Variants in SND1 observed in about 807,000 individuals in gnomAD.
SND1 encodes the protein staphylococcal nuclease domain-containing protein 1.
SND1 carries 38 observed loss-of-function variants against 121.7 expected under a neutral mutation model. The ratio of observed to expected loss-of-function variants is 0.31; its 90% confidence interval spans 0.24 to 0.41. SND1 has a LOEUF of 0.41. Among genes scored for constraint, SND1 ranks in the 10% least tolerant of loss-of-function variants. SND1 has a pLI of 1.00. For missense variants in SND1, 868 were observed against 1,184.6 expected, an observed-to-expected ratio of 0.73 and a Z score of 3.92; for synonymous variants, 401 against 447.4, an observed-to-expected ratio of 0.90 and a Z score of 1.31.
At chr7:127,961,817 T>C (rs558356215) in intron 15 of SND1, among the ~76,000 whole-genome samples, 1 of 152,236 alleles carries the variant, frequency 6.6e-6, no homozygotes, top group South Asian at 2.1e-4. Flanking sequence ...TGAGACCTAG[T>C]TGGAAGAAAA....
chr7:128,006,070 C>T (rs545723692), intron 16 of SND1, among the ~76,000 whole-genome samples: 2 of 152,104 alleles, frequency 1.3e-5, no homozygotes, highest in Non-Finnish European at 2.9e-5. Context: ...TTCAGCTGAC[C>T]CTGGGGGAAT....
At chr7:127,950,609 T>C (rs1276350930) in intron 15 of SND1, among the ~76,000 whole-genome samples, 1 of 152,170 alleles carries the variant, frequency 6.6e-6, no homozygotes, top group Admixed American at 6.5e-5. Flanking sequence ...TTCCCTCCCA[T>C]CCATGAAATG....
At chr7:127,767,345 C>T (rs1434043043) in intron 10 of SND1, among the ~76,000 whole-genome samples, 2 of 152,138 alleles carry the variant, frequency 1.3e-5, no homozygotes, top group Admixed American at 1.3e-4. Context: ...TCCTGGTCTT[C>T]CTGTTTTGTT....
chr7:128,065,926 A>G (rs1048524157), intron 16 of SND1, among the ~76,000 whole-genome samples: 3 of 152,222 alleles, frequency 2.0e-5, no homozygotes, highest in Non-Finnish European at 4.4e-5. Flanking sequence ...GATTCTAGCC[A>G]CATCCCTGGC....
chr7:128,030,169 G>T, intron 16 of SND1: 1 of 1,614,232 alleles, frequency 6.2e-7, no homozygotes. Flanking sequence ...CTTTCGATGG[G>T]GTTGTTGCGA....
At chr7:127,713,623 G>C (rs1460283895) in intron 9 of SND1, among the ~76,000 whole-genome samples, 1 of 152,140 alleles carries the variant, frequency 6.6e-6, no homozygotes, top group African/African-American at 2.4e-5. Context: ...GCCTGCAAAG[G>C]GTAACCTATG....
intron 15 of SND1, among the ~76,000 whole-genome samples, chr7:127,985,783 T>C (rs1158273296): frequency 6.6e-6 from 1 of 152,244 alleles, no homozygotes; most frequent in African/African-American, 2.4e-5. Context: ...AGTAGAGGTC[T>C]GCTAGATGAG....
At chr7:128,078,391 A>T (rs1584776892) in intron 17 of SND1, among the ~76,000 whole-genome samples, 2 of 152,192 alleles carry the variant, frequency 1.3e-5, no homozygotes, top group Admixed American at 1.3e-4. Context: ...TCTCTCTCCT[A>T]CCCTCTGTAT....
chr7:127,858,004 G>A (rs539107118), intron 12 of SND1: 35 of 1,457,356 alleles, frequency 2.4e-5, no homozygotes, highest in African/African-American at 1.9e-4. Flanking sequence ...GGCATCCCCC[G>A]GGTTCTCCCA....
At chr7:128,006,670 G>A (rs776271228) in intron 16 of SND1, among the ~76,000 whole-genome samples, 29 of 152,210 alleles carry the variant, frequency 1.9e-4, no homozygotes, top group Admixed American at 3.9e-4. Context: ...CCCACACCCA[G>A]TGTGGTCACC....
At chr7:127,807,172 A>G (rs1396946185) in intron 10 of SND1, among the ~76,000 whole-genome samples, 1 of 152,180 alleles carries the variant, frequency 6.6e-6, no homozygotes, top group Non-Finnish European at 1.5e-5. Context: ...GAAGGGTCCT[A>G]ATACTTAATT....
chr7:128,050,804 A>G (rs1338547901), intron 16 of SND1, among the ~76,000 whole-genome samples: 1 of 152,176 alleles, frequency 6.6e-6, no homozygotes, highest in African/African-American at 2.4e-5. Flanking sequence ...TGACAGAACC[A>G]TTGTTAATCC....
At chr7:128,024,126 G>T (rs1803422154) in intron 16 of SND1, among the ~76,000 whole-genome samples, 1 of 151,578 alleles carries the variant, frequency 6.6e-6, no homozygotes, top group Non-Finnish European at 1.5e-5. Flanking sequence ...ACTGCTCCAA[G>T]AAGTAATTTA....
intron 1 of SND1, among the ~76,000 whole-genome samples, chr7:127,652,712 C>T (rs571572436): frequency 6.6e-6 from 1 of 152,328 alleles, no homozygotes; most frequent in South Asian, 2.1e-4. Flanking sequence ...GTCTGTTTAC[C>T]AGGACAGATC....
At chr7:127,677,107 CT>C (rs201709155) in intron 1 of SND1, among the ~76,000 whole-genome samples, 3,385 of 152,316 alleles carry the variant, frequency 0.022, 54 homozygotes, top group Non-Finnish European at 0.034. Flanking sequence ...CTCTTCCAGT[CT>C]TTATAGCAGA....
At chr7:128,005,798 G>A (rs1366393922) in intron 16 of SND1, among the ~76,000 whole-genome samples, 1 of 152,088 alleles carries the variant, frequency 6.6e-6, no homozygotes, top group Non-Finnish European at 1.5e-5. Flanking sequence ...TTTATTTGAG[G>A]AGCTCCCCAC....
At chr7:127,907,420 A>G (rs1385818470) in intron 14 of SND1, among the ~76,000 whole-genome samples, 2 of 152,230 alleles carry the variant, frequency 1.3e-5, no homozygotes, top group Non-Finnish European at 2.9e-5. Context: ...GGAAAAAGAC[A>G]ATGTAATGCA....
intron 1 of SND1, among the ~76,000 whole-genome samples, chr7:127,671,348 A>T (rs1795514709): frequency 6.6e-6 from 1 of 152,214 alleles, no homozygotes; most frequent in Non-Finnish European, 1.5e-5. Flanking sequence ...ATTACATCCA[A>T]TCATTATTCA....
At chr7:128,036,237 C>T (rs1206520754) in intron 16 of SND1, among the ~76,000 whole-genome samples, 3 of 152,138 alleles carry the variant, frequency 2.0e-5, no homozygotes, top group African/African-American at 7.2e-5. Flanking sequence ...GTTCCACCCA[C>T]GTGTGCAAAC....
Sources: gnomAD v4.1 joint callset for allele counts (sites outside exome capture counted in the v4.1 genomes callset) on GRCh38, gnomAD v4.1.1 for gene constraint, MANE v1.5 for transcripts, NCBI Gene and HGNC (gene_info 2026-07-23, HGNC 2026-07-21) for gene names.